CDH12: variants seen among roughly 807,000 people sequenced by gnomAD.
CDH12 encodes the protein cadherin-12.
Under a neutral mutation model 74.1 loss-of-function variants are expected in CDH12, and 41 were observed. That is an observed-to-expected ratio of 0.55 (90% CI 0.43 to 0.72). The LOEUF (loss-of-function observed/expected upper bound fraction) is 0.72. CDH12 is among the 30% of genes least tolerant of loss of function. CDH12 has a pLI of 0.00. For missense variants in CDH12, 945 were observed against 977.2 expected (o/e 0.97, Z 0.44); for synonymous variants, 399 against 355.0 (o/e 1.12, Z -1.39).
intron 1 of CDH12, among the ~76,000 whole-genome samples, chr5:22,621,067 G>C (rs1236346193): frequency 6.6e-6 from 1 of 152,140 alleles, no homozygotes; most frequent in Non-Finnish European, 1.5e-5. Context: ...GAGGTTCTAA[G>C]AGAACATCTT....
intron 1 of CDH12, among the ~76,000 whole-genome samples, chr5:22,816,996 C>T (rs1749425810): frequency 6.6e-6 from 1 of 152,174 alleles, no homozygotes; most frequent in Non-Finnish European, 1.5e-5. Flanking sequence ...TAGAACAGCA[C>T]ACTTTTCAAA....
chr5:22,064,893 G>T (rs1218018273), intron 5 of CDH12, among the ~76,000 whole-genome samples: 1 of 152,150 alleles, frequency 6.6e-6, no homozygotes, highest in Non-Finnish European at 1.5e-5. Context: ...CTTGTGAGTG[G>T]CTGAAATACA....
chr5:22,453,901 GA>G (rs1745163390), intron 2 of CDH12, among the ~76,000 whole-genome samples: 1 of 151,758 alleles, frequency 6.6e-6, no homozygotes, highest in South Asian at 2.1e-4. Context: ...TGATTTATTT[GA>G]AATTAGTTAT....
chr5:22,451,878 C>T (rs966842047), intron 2 of CDH12, among the ~76,000 whole-genome samples: 1 of 151,836 alleles, frequency 6.6e-6, no homozygotes, highest in African/African-American at 2.4e-5. Context: ...CTTTGGTAAA[C>T]TTGCAGGACA....
At chr5:22,770,120 C>G (rs968623257) in intron 1 of CDH12, among the ~76,000 whole-genome samples, 1 of 149,228 alleles carries the variant, frequency 6.7e-6, no homozygotes. Context: ...CAGGCGTGAA[C>G]TTTTAAAGCA....
At chr5:22,009,664 A>G (rs549605721) in intron 5 of CDH12, among the ~76,000 whole-genome samples, 30 of 152,200 alleles carry the variant, frequency 2.0e-4, no homozygotes, top group African/African-American at 7.0e-4. Flanking sequence ...TTTATTTTTA[A>G]TGTTATGTAT....
At chr5:22,232,695 TTC>T (rs1026648057) in intron 3 of CDH12, among the ~76,000 whole-genome samples, 20 of 151,442 alleles carry the variant, frequency 1.3e-4, no homozygotes, top group Non-Finnish European at 2.2e-4. Context: ...AGAAGAAAGC[TTC>T]TCTCTCTTTC....
At chr5:21,904,838 A>G (rs1311495004) in intron 6 of CDH12, among the ~76,000 whole-genome samples, 1 of 152,096 alleles carries the variant, frequency 6.6e-6, no homozygotes, top group Non-Finnish European at 1.5e-5. Context: ...AAGGAAAAAC[A>G]GACTATAAAA....
chr5:22,569,583 G>A (rs1337639701), intron 1 of CDH12, among the ~76,000 whole-genome samples: 1 of 152,142 alleles, frequency 6.6e-6, no homozygotes, highest in South Asian at 2.1e-4. Flanking sequence ...CTACGCTTAG[G>A]ACATATTCTA....
intron 1 of CDH12, among the ~76,000 whole-genome samples, chr5:22,843,690 C>G (rs1232456945): frequency 6.6e-6 from 1 of 150,960 alleles, no homozygotes; most frequent in Admixed American, 6.6e-5. Flanking sequence ...GAAGGCACTG[C>G]AAAAATGTTT....
At chr5:22,252,386 C>T (rs1753166333) in intron 3 of CDH12, among the ~76,000 whole-genome samples, 2 of 147,558 alleles carry the variant, frequency 1.4e-5, no homozygotes, top group Non-Finnish European at 1.5e-5. Flanking sequence ...ATGTTCCAAA[C>T]TTAAAAAAAA....
chr5:22,094,749 G>A (rs1454323439), intron 4 of CDH12, among the ~76,000 whole-genome samples: 1 of 152,098 alleles, frequency 6.6e-6, no homozygotes, highest in African/African-American at 2.4e-5. Context: ...CCTGTGACCT[G>A]CACATACACA....
chr5:22,174,884 T>C (rs1749244137), intron 4 of CDH12, among the ~76,000 whole-genome samples: 2 of 152,004 alleles, frequency 1.3e-5, no homozygotes, highest in African/African-American at 4.8e-5. Flanking sequence ...ATTGTATTAA[T>C]TTTGAAAGAA....
intron 1 of CDH12, among the ~76,000 whole-genome samples, chr5:22,552,949 T>A (rs1200933724): frequency 6.6e-6 from 1 of 152,148 alleles, no homozygotes; most frequent in Non-Finnish European, 1.5e-5. Flanking sequence ...TGAATTAACA[T>A]TCTTTTCAAT....
intron 6 of CDH12, among the ~76,000 whole-genome samples, chr5:21,963,119 A>G (rs1267597175): frequency 6.6e-6 from 1 of 151,902 alleles, no homozygotes; most frequent in Non-Finnish European, 1.5e-5. Context: ...AGATAGATAG[A>G]TAGATAGAGA....
intron 4 of CDH12, among the ~76,000 whole-genome samples, chr5:22,174,244 G>C (rs1308862513): frequency 6.6e-6 from 1 of 151,890 alleles, no homozygotes; most frequent in Non-Finnish European, 1.5e-5. Context: ...CATGCTTAAA[G>C]CTCTACTTCT....
intron 6 of CDH12, among the ~76,000 whole-genome samples, chr5:21,891,048 T>G (rs186434619): frequency 1.0e-3 from 156 of 152,178 alleles, no homozygotes; most frequent in African/African-American, 3.6e-3. Context: ...AGCCTAAAAT[T>G]TATGATATGT....
intron 6 of CDH12, among the ~76,000 whole-genome samples, chr5:21,924,172 T>C (rs1171770675): frequency 6.6e-6 from 1 of 152,136 alleles, no homozygotes; most frequent in African/African-American, 2.4e-5. Flanking sequence ...TTTTTCCCTG[T>C]TGAATTGTGA....
intron 4 of CDH12, among the ~76,000 whole-genome samples, chr5:22,097,246 A>G (rs1743837212): frequency 6.6e-6 from 1 of 152,166 alleles, no homozygotes; most frequent in South Asian, 2.1e-4. Context: ...CCACTCCCAG[A>G]GCCCCTGGAA....
Sources: gnomAD v4.1 joint callset for allele counts (sites outside exome capture counted in the v4.1 genomes callset) on GRCh38, gnomAD v4.1.1 for gene constraint, MANE v1.5 for transcripts, NCBI Gene and HGNC (gene_info 2026-07-23, HGNC 2026-07-21) for gene names.